SRPK2: variants seen among roughly 807,000 people sequenced by gnomAD.
SRPK2 encodes the protein SFRS protein kinase 2.
In SRPK2, 21 loss-of-function variants were observed where a neutral mutation model predicts 90.8. That is an observed-to-expected ratio of 0.23 (90% CI 0.16 to 0.33). The LOEUF (loss-of-function observed/expected upper bound fraction) is 0.33. Ranked by LOEUF, SRPK2 falls within the 10% of genes least tolerant of loss-of-function variation. The pLI, the probability that SRPK2 is intolerant of heterozygous loss-of-function variation, is 1.00. For missense variants in SRPK2, 620 were observed against 869.0 expected (o/e 0.71, Z 3.60); for synonymous variants, 288 against 311.1 (o/e 0.93, Z 0.78).
intron 2 of SRPK2, among the ~76,000 whole-genome samples, chr7:105,343,951 C>T (rs934267369): frequency 5.9e-5 from 9 of 151,832 alleles, no homozygotes; most frequent in African/African-American, 2.2e-4. Context: ...TTAATAGAGA[C>T]GGGGGTTTCA....
At chr7:105,143,484 G>A (rs1033058095) in intron 9 of SRPK2, 154 bp from the exon 10 acceptor site, 2 of 956,376 alleles carry the variant, frequency 2.1e-6, no homozygotes, top group African/African-American at 1.6e-5. Context: ...TTGTGGTAAG[G>A]CTTACGATAA....
chr7:105,290,742 A>C (rs1808861379), intron 2 of SRPK2, among the ~76,000 whole-genome samples: 1 of 152,086 alleles, frequency 6.6e-6, no homozygotes, highest in Admixed American at 6.5e-5. Flanking sequence ...TGACTTTGCC[A>C]AATGAAGAAA....
chr7:105,381,647 G>A (rs1271661901), intron 2 of SRPK2, among the ~76,000 whole-genome samples: 1 of 152,134 alleles, frequency 6.6e-6, no homozygotes, highest in Non-Finnish European at 1.5e-5. Flanking sequence ...GCAGCACTAG[G>A]TATTTGCTTC....
chr7:105,151,712 T>C (rs1437773560), intron 7 of SRPK2, among the ~76,000 whole-genome samples: 1 of 151,328 alleles, frequency 6.6e-6, no homozygotes, highest in Admixed American at 6.6e-5. Context: ...ACATCCAGCT[T>C]CCTAAGTCAC....
At chr7:105,133,295 A>G (rs1802297682) in intron 11 of SRPK2, among the ~76,000 whole-genome samples, 191 bp from the exon 12 acceptor site, 1 of 152,196 alleles carries the variant, frequency 6.6e-6, no homozygotes. Context: ...ACTCCAGAAA[A>G]GAGCAAACTG....
At chr7:105,176,545 G>A (rs1791869594) in intron 3 of SRPK2, among the ~76,000 whole-genome samples, 1 of 151,274 alleles carries the variant, frequency 6.6e-6, no homozygotes, top group Admixed American at 6.6e-5. Context: ...AGATGTATGT[G>A]GTTTTGCATA....
In SRPK2 at chr7:105,177,112, C is replaced by A. The variant is rs1253662206; in HGVS notation, c.230-7847G>T. On this transcript the variant is annotated intron_variant, in intron 3 of 15. Coordinates refer to ENST00000393651, the MANE Select transcript of SRPK2 (RefSeq NM_182692.3). ...CTTCCAAAAAGTACCTGGTAATTGT[C>A]AGGAAAGTGATTAAATCAGGAAAAA... Among the ~76,000 whole-genome samples, 46 of 151,444 alleles carry A rather than the reference C, an allele frequency of 3.0e-4. No homozygotes were observed. In the East Asian group the frequency reaches 8.7e-3, roughly 29 times the overall value.
chr7:105,219,932 C>A (rs1382842410), intron 2 of SRPK2, among the ~76,000 whole-genome samples: 1 of 152,194 alleles, frequency 6.6e-6, no homozygotes, highest in Non-Finnish European at 1.5e-5. Context: ...TTGCTAATGA[C>A]TCAGCCACAA....
intron 2 of SRPK2, among the ~76,000 whole-genome samples, chr7:105,359,531 A>G (rs1818193961): frequency 6.6e-6 from 1 of 152,178 alleles, no homozygotes; most frequent in African/African-American, 2.4e-5. Context: ...AAAGACGTCA[A>G]AAGCAGTCTT....
intron 2 of SRPK2, among the ~76,000 whole-genome samples, chr7:105,337,654 G>A (rs1312294396): frequency 1.3e-5 from 2 of 152,036 alleles, no homozygotes; most frequent in Admixed American, 6.6e-5. Context: ...CAGACAGCTT[G>A]CTCCCTAACT....
chr7:105,371,307 T>TG (rs1392205406), intron 2 of SRPK2, among the ~76,000 whole-genome samples: 1 of 150,112 alleles, frequency 6.7e-6, no homozygotes, highest in African/African-American at 2.5e-5. Context: ...GGGAACATGG[T>TG]GAAAAAAAAA....
intron 2 of SRPK2, among the ~76,000 whole-genome samples, chr7:105,331,044 A>G (rs538349369): frequency 1.2e-4 from 18 of 152,142 alleles, no homozygotes; most frequent in East Asian, 7.7e-4. Flanking sequence ...GCTCACGCCT[A>G]TAATCCCAGC....
At chr7:105,279,916 G>T (rs933633602) in intron 2 of SRPK2, among the ~76,000 whole-genome samples, 4 of 152,102 alleles carry the variant, frequency 2.6e-5, no homozygotes, top group Non-Finnish European at 5.9e-5. Flanking sequence ...TTCAGCAGGA[G>T]GCCAAGTTTT....
At chr7:105,168,886 T>C (rs576473764) in intron 4 of SRPK2, among the ~76,000 whole-genome samples, 1 of 152,058 alleles carries the variant, frequency 6.6e-6, no homozygotes, top group African/African-American at 2.4e-5. Flanking sequence ...CTGATATGGA[T>C]GAATTACTAG....
intron 2 of SRPK2, among the ~76,000 whole-genome samples, chr7:105,313,088 CATT>C (rs1215916576): frequency 6.6e-6 from 1 of 151,346 alleles, no homozygotes. Flanking sequence ...GACAATCAGG[CATT>C]ATATGCATGT....
At chr7:105,376,654 C>T (rs1732417607) in intron 2 of SRPK2, among the ~76,000 whole-genome samples, 1 of 151,410 alleles carries the variant, frequency 6.6e-6, no homozygotes, top group African/African-American at 2.4e-5. Context: ...TTCTCCTCCT[C>T]AGCCTCCATA....
chr7:105,160,344 A>ATT (rs1348438182), intron 7 of SRPK2, 163 bp downstream of exon 7: 149 of 429,282 alleles, frequency 3.5e-4, no homozygotes, highest in Non-Finnish European at 3.7e-4. Context: ...TGACTTAATA[A>ATT]GAGTTCAAAA....
intron 2 of SRPK2, among the ~76,000 whole-genome samples, chr7:105,266,138 T>G (rs796709217): frequency 2.6e-5 from 4 of 152,238 alleles, no homozygotes; most frequent in African/African-American, 9.6e-5. Flanking sequence ...ATAACGTATT[T>G]CCCAATTTAG....
At chr7:105,265,942 CA>C (rs1224585761) in intron 2 of SRPK2, among the ~76,000 whole-genome samples, 2 of 151,936 alleles carry the variant, frequency 1.3e-5, no homozygotes, top group Non-Finnish European at 2.9e-5. Context: ...TCTCTCTCTT[CA>C]AAACACAAAA....
Sources: allele counts gnomAD v4.1 joint callset (sites outside exome capture counted in the v4.1 genomes callset), GRCh38; gene constraint gnomAD v4.1.1; transcripts MANE v1.5; gene names NCBI Gene and HGNC (gene_info 2026-07-23, HGNC 2026-07-21).